PPARGC1A: variants seen among roughly 807,000 people sequenced by gnomAD.
PPARGC1A encodes the protein PPARG coactivator 1 alpha.
A neutral mutation model predicts 88.7 loss-of-function variants in PPARGC1A; 25 were observed. The observed-to-expected ratio is 0.28, with a 90% CI of 0.21 to 0.39. The LOEUF is 0.39. Ranked by LOEUF, PPARGC1A falls within the 10% of genes least tolerant of loss-of-function variation. The pLI is 1.00. For synonymous variants in PPARGC1A, 363 were observed against 355.6 expected (o/e 1.02, Z -0.24); for missense variants, 880 against 968.7 (o/e 0.91, Z 1.22).
the PPARGC1A span, among the ~76,000 whole-genome samples, chr4:23,927,303 A>G: frequency 2.0e-4 from 31 of 152,228 alleles, no homozygotes; most frequent in Non-Finnish European, 3.5e-4. Flanking sequence ...TCAAAAAATC[A>G]AAAGTTAAAT....
At chr4:24,075,937 T>A in the PPARGC1A span, among the ~76,000 whole-genome samples, 3 of 152,162 alleles carry the variant, frequency 2.0e-5, no homozygotes, top group African/African-American at 7.2e-5. Flanking sequence ...GGAGACACCA[T>A]AAGACCTGAA....
the PPARGC1A span, among the ~76,000 whole-genome samples, chr4:24,470,277 G>GACAC: frequency 0.06 from 6,584 of 110,580 alleles, 270 homozygotes; most frequent in East Asian, 0.1. The surrounding 1 kb of genome is among the most constrained non-coding windows in gnomAD (Gnocchi z 5.8). Flanking sequence ...GACAGACACA[G>GACAC]ACACACACAC....
At chr4:24,174,564 A>G in the PPARGC1A span, among the ~76,000 whole-genome samples, 1 of 152,220 alleles carries the variant, frequency 6.6e-6, no homozygotes, top group Non-Finnish European at 1.5e-5. Context: ...CACACAAGGC[A>G]TCCATCCCTC....
At chr4:24,036,837 T>C in the PPARGC1A span, among the ~76,000 whole-genome samples, 1 of 152,242 alleles carries the variant, frequency 6.6e-6, no homozygotes, top group East Asian at 1.9e-4. Flanking sequence ...ATTAATGTAC[T>C]TTATACACTT....
At chr4:24,398,213 T>C in the PPARGC1A span, among the ~76,000 whole-genome samples, 1 of 152,178 alleles carries the variant, frequency 6.6e-6, no homozygotes, top group East Asian at 1.9e-4. Flanking sequence ...TATAAAATCA[T>C]ACTCATATGG....
chr4:24,112,493 A>G, the PPARGC1A span, among the ~76,000 whole-genome samples: 1 of 152,230 alleles, frequency 6.6e-6, no homozygotes, highest in Non-Finnish European at 1.5e-5. Context: ...TTCTGACATC[A>G]AGACTAAGTT....
chr4:24,243,539 G>A, the PPARGC1A span, among the ~76,000 whole-genome samples: 1 of 152,210 alleles, frequency 6.6e-6, no homozygotes, highest in African/African-American at 2.4e-5. Flanking sequence ...AAAGAGACCT[G>A]CAGAAATGAA....
chr4:23,891,801 C>A (rs77870399), upstream of PPARGC1A, among the ~76,000 whole-genome samples: 2,590 of 152,262 alleles, frequency 0.017, 23 homozygotes, highest in Non-Finnish European at 0.025. Context: ...CAGGAAAATA[C>A]AACCTCGGGA....
chr4:23,963,884 G>A, the PPARGC1A span, among the ~76,000 whole-genome samples: 3 of 152,096 alleles, frequency 2.0e-5, no homozygotes, highest in Non-Finnish European at 2.9e-5. Flanking sequence ...AAATTTTGAC[G>A]GTTCTGGTAA....
chr4:24,059,269 C>T, the PPARGC1A span, among the ~76,000 whole-genome samples: 1 of 152,120 alleles, frequency 6.6e-6, no homozygotes, highest in Non-Finnish European at 1.5e-5. Flanking sequence ...CAGCATCTGG[C>T]CTCACCAGAC....
intron 2 of PPARGC1A, among the ~76,000 whole-genome samples, chr4:23,833,260 C>G (rs1725373083): frequency 6.6e-6 from 1 of 152,170 alleles, no homozygotes. Context: ...CAACCAGTAC[C>G]AACACTGGGC....
chr4:24,036,716 G>T, the PPARGC1A span, among the ~76,000 whole-genome samples: 28,712 of 152,014 alleles, frequency 0.19, 3,090 homozygotes, highest in Admixed American at 0.34. Context: ...AACCTCAGGG[G>T]GTGATTGCCA....
At chr4:24,111,428 A>G in the PPARGC1A span, among the ~76,000 whole-genome samples, 1 of 152,206 alleles carries the variant, frequency 6.6e-6, no homozygotes, top group Admixed American at 6.5e-5. Context: ...TTCATACTGC[A>G]TGATACTTCC....
chr4:24,175,013 T>C, the PPARGC1A span, among the ~76,000 whole-genome samples: 1 of 152,136 alleles, frequency 6.6e-6, no homozygotes, highest in East Asian at 1.9e-4. Context: ...CCCAGGAATC[T>C]TGTTGCTCGG....
chr4:24,367,706 A>G, the PPARGC1A span, among the ~76,000 whole-genome samples: 3 of 152,168 alleles, frequency 2.0e-5, no homozygotes, highest in Non-Finnish European at 4.4e-5. Context: ...GGCATGTATT[A>G]CTATCTAAAC....
At chr4:24,449,076 C>G in the PPARGC1A span, among the ~76,000 whole-genome samples, 7 of 152,296 alleles carry the variant, frequency 4.6e-5, 1 homozygote, top group South Asian at 1.2e-3. Context: ...AAACTACTGA[C>G]GTCAGCTGGT....
At chr4:24,280,036 C>T in the PPARGC1A span, among the ~76,000 whole-genome samples, 1 of 152,250 alleles carries the variant, frequency 6.6e-6, no homozygotes, top group Admixed American at 6.5e-5. Flanking sequence ...GCCAACAATG[C>T]CCCACACATC....
At chr4:24,437,858 G>A in the PPARGC1A span, among the ~76,000 whole-genome samples, 1 of 151,790 alleles carries the variant, frequency 6.6e-6, no homozygotes, top group Non-Finnish European at 1.5e-5. Flanking sequence ...TGGTTTTTAA[G>A]TAGAGAAGGG....
intron 12 of PPARGC1A, among the ~76,000 whole-genome samples, chr4:23,796,254 T>C (rs57726674): frequency 3.7e-4 from 56 of 152,202 alleles, no homozygotes; most frequent in African/African-American, 1.3e-3. Context: ...ATAACTTAGA[T>C]GTAGACGTGA....
Sources: allele counts gnomAD v4.1 joint callset (sites outside exome capture counted in the v4.1 genomes callset), GRCh38; gene constraint gnomAD v4.1.1; non-coding constraint Gnocchi (gnomAD v3.1); transcripts MANE v1.5; gene names NCBI Gene and HGNC (gene_info 2026-07-23, HGNC 2026-07-21).